The following CWH43 variants were observed in gnomAD, a reference collection of about 807,000 sequenced individuals.
The protein encoded by CWH43 is cell wall biogenesis 43 C-terminal homolog.
CWH43 carries 91 observed loss-of-function variants against 85.7 expected under a neutral mutation model. The observed-to-expected ratio is 1.06, with a 90% CI of 0.90 to 1.26. The LOEUF (loss-of-function observed/expected upper bound fraction) is 1.26, where lower values mean the gene tolerates loss of function less well. Among genes scored for constraint, CWH43 ranks in the 50% most tolerant of loss-of-function variants. The pLI, the probability that CWH43 is intolerant of heterozygous loss-of-function variation, is 0.00. For missense variants in CWH43, 869 were observed against 839.2 expected, an observed-to-expected ratio of 1.04 and a Z score of -0.44; for synonymous variants, 323 against 293.6, an observed-to-expected ratio of 1.10 and a Z score of -1.02.
chr4:48,994,922 A>T lies in CWH43; in HGVS notation c.713+102A>T. On this transcript the variant is annotated intron_variant, in intron 5 of 15. Transcript: ENST00000226432. The stretch of plus-strand genomic sequence containing the variant: ...TAGGTCTGTGCTAGCCAGATATTTC[A>T]TACCACTCTCCCTAGATATCAGAAT... 4.4e-6 allele frequency: 4 copies of T among 910,216 alleles called. No individual in the cohort carries two copies. The South Asian group carries it at 5.4e-5, about 12-fold the overall frequency. The allele number at this position is 910,216 out of a possible 1,614,324, so 56.4% of individuals were successfully genotyped here.
chr4:49,027,575 G>T (rs1263003547), intron 9 of CWH43, among the ~76,000 whole-genome samples: 1 of 152,030 alleles, frequency 6.6e-6, no homozygotes, highest in African/African-American at 2.4e-5. Flanking sequence ...TACATAGTAG[G>T]TGTATATATT....
chr4:48,991,796 A>G, intron 3 of CWH43, 140 bp from the exon 4 acceptor site: 1 of 877,824 alleles, frequency 1.1e-6, no homozygotes, highest in Non-Finnish European at 1.7e-6. Context: ...AAGTTGCTAT[A>G]TAGAGGCTAA....
rs1560509180 is a variant in CWH43 at position 49,039,335 on chromosome 4, T to TATATA, written c.1803+1155_1803+1156insATATA. The stretch of plus-strand genomic sequence containing the variant: ...TATATATATATATATATATATATAC[T>TATATA]GATGTATATATATACTGATATATAT... On this transcript the variant is annotated intron_variant, in intron 13 of 15. Transcript: ENST00000226432. 6.1e-3 allele frequency among the ~76,000 whole-genome samples: 32 copies of TATATA among 5,218 alleles called. 1 individual carries two copies. Among genetic ancestry groups the TATATA allele is most frequent in the East Asian group, 7.8e-3 (1 of 128 alleles). The allele number at this position is 5,218 out of a possible 152,430, so 3.4% of individuals were successfully genotyped here. A position where few individuals can be genotyped will look rare whatever the true frequency, so the allele number is the denominator to read the frequency against.
chr4:49,042,503 TC>T (rs1157456565), intron 13 of CWH43, among the ~76,000 whole-genome samples: 1 of 152,126 alleles, frequency 6.6e-6, no homozygotes, highest in Non-Finnish European at 1.5e-5. Context: ...AATGGAGATG[TC>T]CAATAGGCAG....
intron 9 of CWH43, among the ~76,000 whole-genome samples, chr4:49,020,152 A>C (rs1783694121): frequency 6.6e-6 from 1 of 150,668 alleles, no homozygotes; most frequent in Non-Finnish European, 1.5e-5. Context: ...TTTATTCCTC[A>C]CTCCCTCCCA....
At chr4:49,010,934 G>A (rs1323024505) in intron 8 of CWH43, among the ~76,000 whole-genome samples, 1 of 152,186 alleles carries the variant, frequency 6.6e-6, no homozygotes, top group African/African-American at 2.4e-5. Context: ...ATGTGGTTCT[G>A]AGAAAAATGT....
Position 49,032,553 on chromosome 4 carries a change from C to T in CWH43, c.1509-13C>T. 3 of 1,613,552 alleles carry T rather than the reference C, an allele frequency of 1.9e-6. No homozygotes were observed. The highest frequency in any genetic ancestry group is 8.5e-7 in the Non-Finnish European group (1 of 1,179,580). On this transcript the variant is annotated splice_polypyrimidine_tract_variant and intron_variant, in intron 11 of 15. Transcript: ENST00000226432. ...TGACAATGATGCCCATGTCTCTTTT[C>T]ATTCCAATACAGGATTATGGCTTTG...
chr4:49,024,811 A>G (rs1168464844), intron 9 of CWH43, among the ~76,000 whole-genome samples: 1 of 151,932 alleles, frequency 6.6e-6, no homozygotes, highest in Non-Finnish European at 1.5e-5. Context: ...ATTTTAGATA[A>G]CCTGATGACT....
At chr4:49,015,203 C>A (rs1172179735) in intron 8 of CWH43, among the ~76,000 whole-genome samples, 1 of 150,956 alleles carries the variant, frequency 6.6e-6, no homozygotes, top group Non-Finnish European at 1.5e-5. Flanking sequence ...TTTTCATTTT[C>A]CACTTTTTCT....
At chr4:49,005,613 G>A (rs937503807) in intron 7 of CWH43, among the ~76,000 whole-genome samples, 1 of 146,238 alleles carries the variant, frequency 6.8e-6, no homozygotes, top group African/African-American at 2.6e-5. Context: ...CAGCTGGAGT[G>A]CAGTGGTGCA....
intron 12 of CWH43, among the ~76,000 whole-genome samples, chr4:49,037,425 T>C (rs1784292998): frequency 6.6e-6 from 1 of 152,094 alleles, no homozygotes; most frequent in South Asian, 2.1e-4. Flanking sequence ...AAAAATTAAG[T>C]TGGGCATGGT....
chr4:49,059,039 T>A (rs1307103753), intron 15 of CWH43, among the ~76,000 whole-genome samples: 1 of 152,188 alleles, frequency 6.6e-6, no homozygotes, highest in Non-Finnish European at 1.5e-5. Flanking sequence ...AGCTGCTTTT[T>A]TTAAAATAAG....
intron 11 of CWH43, among the ~76,000 whole-genome samples, chr4:49,031,959 G>T (rs1194310149): frequency 6.6e-6 from 1 of 152,230 alleles, no homozygotes; most frequent in Non-Finnish European, 1.5e-5. Flanking sequence ...CCAGTAGGCA[G>T]TTGGGTATGG....
intron 15 of CWH43, among the ~76,000 whole-genome samples, chr4:49,057,590 C>T (rs182396324): frequency 2.4e-4 from 37 of 152,182 alleles, no homozygotes; most frequent in East Asian, 1.7e-3. Context: ...GTATACTCTG[C>T]GGCTGTTGGG....
chr4:49,061,494 T>C (rs1406566571), intron 15 of CWH43, among the ~76,000 whole-genome samples: 1 of 152,318 alleles, frequency 6.6e-6, no homozygotes, highest in Non-Finnish European at 1.5e-5. Flanking sequence ...AAATGTAACA[T>C]GAATAGCATT....
intron 9 of CWH43, among the ~76,000 whole-genome samples, chr4:49,019,454 G>A (rs1010324168): frequency 6.6e-6 from 1 of 152,192 alleles, no homozygotes; most frequent in Non-Finnish European, 1.5e-5. Flanking sequence ...GTGAAGAGTA[G>A]TAGAAGATGA....
Position 48,992,646 on chromosome 4 carries a change from A to C in CWH43, c.511+556A>C, listed in dbSNP as rs1458368498. Among the ~76,000 whole-genome samples, 1 of 152,222 alleles carries C rather than the reference A, an allele frequency of 6.6e-6. No individual in the cohort carries two copies. Among genetic ancestry groups the C allele is most frequent in the Non-Finnish European group, 1.5e-5 (1 of 68,042 alleles). On this transcript the variant is annotated intron_variant, in intron 4 of 15. Coordinates refer to ENST00000226432, the MANE Select transcript of CWH43 (RefSeq NM_025087.3). This position sits in a 1 kb window ranked among gnomAD's most constrained non-coding sequence, Gnocchi z 4.3. ...GGCCAGCTTTCTCCGAGACAGAAAC[A>C]TGCCCAGCTTAGAGTTTGTTTCATA...
intron 3 of CWH43, 62 bp from the exon 4 acceptor site, chr4:48,991,874 A>G (rs1782670417): frequency 2.2e-6 from 3 of 1,374,418 alleles, no homozygotes; most frequent in African/African-American, 1.4e-5. Context: ...ACTGAAATTC[A>G]TGATGGACAT....
At chr4:49,058,071 G>T (rs1232313392) in intron 15 of CWH43, among the ~76,000 whole-genome samples, 2 of 152,096 alleles carry the variant, frequency 1.3e-5, no homozygotes, top group African/African-American at 2.4e-5. Context: ...TTTGATTAGA[G>T]AATTTAATCC....
Sources: gnomAD v4.1 joint callset for allele counts (sites outside exome capture counted in the v4.1 genomes callset) on GRCh38, gnomAD v4.1.1 for gene constraint, Gnocchi (gnomAD v3.1) non-coding constraint, MANE v1.5 for transcripts, NCBI Gene and HGNC (gene_info 2026-07-23, HGNC 2026-07-21) for gene names.